SYAP1: variants seen among roughly 807,000 people sequenced by gnomAD.
SYAP1 encodes the protein synapse-associated protein 1.
SYAP1 carries 3 observed loss-of-function variants against 29.6 expected under a neutral mutation model. The ratio of observed to expected loss-of-function variants is 0.10; its 90% CI spans 0.05 to 0.26. The LOEUF is 0.26. SYAP1 is among the 10% of genes least tolerant of loss of function. The pLI is 1.00. For missense variants in SYAP1, 217 were observed against 264.1 expected (o/e 0.82, Z 1.24); for synonymous variants, 102 against 102.7 (o/e 0.99, Z 0.04).
chrX:16,733,683 T>A (rs1295240460), intron 1 of SYAP1, among the ~76,000 whole-genome samples: 2 of 109,254 alleles, frequency 1.8e-5, no homozygotes, highest in Admixed American at 9.8e-5. Flanking sequence ...TTTTTTTTTT[T>A]TAGACGGAGT....
At chrX:16,752,139 C>T (rs770354089) in intron 5 of SYAP1, among the ~76,000 whole-genome samples, 1 of 107,768 alleles carries the variant, frequency 9.3e-6, no homozygotes, top group African/African-American at 3.4e-5. Context: ...ACCACCACAT[C>T]GGCTAATTTT....
At chrX:16,748,310 C>G (rs986284336) in intron 5 of SYAP1, among the ~76,000 whole-genome samples, 51 of 111,645 alleles carry the variant, frequency 4.6e-4, no homozygotes, top group African/African-American at 1.6e-3. Flanking sequence ...TCTGTTTTGT[C>G]GAAAATTTCC....
intron 1 of SYAP1, 132 bp downstream of exon 1, chrX:16,720,031 G>T: frequency 1.6e-6 from 1 of 642,857 alleles, no homozygotes; most frequent in Non-Finnish European, 2.3e-6. Flanking sequence ...AGATGTGTCT[G>T]TCGGTCAGTC....
intron 5 of SYAP1, among the ~76,000 whole-genome samples, chrX:16,750,528 G>A (rs1004729081): frequency 3.6e-5 from 4 of 111,225 alleles, no homozygotes; most frequent in African/African-American, 6.6e-5. Context: ...TAATTCCACC[G>A]GTAAATGTTG....
chrX:16,730,800 A>G (rs1392172781), intron 1 of SYAP1, among the ~76,000 whole-genome samples: 1 of 112,306 alleles, frequency 8.9e-6, no homozygotes, highest in African/African-American at 3.2e-5. Flanking sequence ...TTGCCATACA[A>G]GGTCCTTTCT....
rs763119788 is a variant in SYAP1 at position 16,756,681 on chromosome X, C to T, written c.743C>T (p.Thr248Met). The T allele has an allele frequency of 1.5e-4, 177 of 1,209,598 alleles. No individual in the cohort carries two copies. The highest frequency in any genetic ancestry group is 1.9e-4 in the Non-Finnish European group (168 of 894,862). ...TTCTTAGAGGCAGTACGGCCCAAAA[C>T]GCCACCCGTTGTAATCAAATCTCAG... is the stretch of plus-strand genomic sequence containing the variant. ...LPLAEAVRPK[T>M]PPVVIKSQLK... The change falls in exon 7 of 9, where the codon ACG becomes ATG. Residue 248 changes from threonine to methionine, a missense_variant. Coordinates refer to ENST00000380155, the MANE Select transcript of SYAP1 (RefSeq NM_032796.4).
intron 4 of SYAP1, among the ~76,000 whole-genome samples, chrX:16,742,675 G>A (rs1315026979): frequency 8.9e-6 from 1 of 112,510 alleles, no homozygotes; most frequent in African/African-American, 3.2e-5. Flanking sequence ...AGAGTACAGT[G>A]GCATAATTAT....
intron 1 of SYAP1, among the ~76,000 whole-genome samples, chrX:16,723,310 G>C (rs766533752): frequency 1.8e-4 from 20 of 112,372 alleles, no homozygotes; most frequent in Admixed American, 4.8e-4. Flanking sequence ...ACAATGCACA[G>C]TCAATAGCTT....
rs1282595267 is a variant in SYAP1 at position 16,750,890 on chromosome X, C to T, written c.576-4055C>T. Among the ~76,000 whole-genome samples, 3 of 107,818 alleles carry T rather than the reference C, an allele frequency of 2.8e-5. No individual in the cohort carries two copies. In the Admixed American group the frequency reaches 3.0e-4, roughly 11 times the overall value. 93.6% of individuals were successfully genotyped at this position (107,818 alleles called of 115,157 possible). A position where few individuals can be genotyped will look rare whatever the true frequency, so the allele number is the denominator to read the frequency against. On this transcript the variant is annotated intron_variant, in intron 5 of 8. Coordinates refer to ENST00000380155, the MANE Select transcript of SYAP1 (RefSeq NM_032796.4). Reference sequence around the variant, plus strand: ...TCAAGCGATTCTCCTGCATTAGCCTCCCAGGTAGCTGCGATTACAGGTGTG... The same window carrying T: ...TCAAGCGATTCTCCTGCATTAGCCTTCCAGGTAGCTGCGATTACAGGTGTG...
Position 16,760,266 on chromosome X carries a change from G to A in SYAP1, c.966G>A (p.Gln322=). The change falls in exon 9 of 9, where the codon CAG becomes CAA. Residue 322 remains glutamine (Q), a synonymous_variant. Coordinates refer to ENST00000380155, the MANE Select transcript of SYAP1 (RefSeq NM_032796.4). ...DSADWEKELQ[Q]ELQEYEVVTE... ...CAGATTGGGAAAAAGAACTGCAGCAGGAACTTCAAGAATATGAAGTGGTGA... is the reference window on the plus strand; with the variant it reads ...CAGATTGGGAAAAAGAACTGCAGCAAGAACTTCAAGAATATGAAGTGGTGA... The A allele has an allele frequency of 8.4e-7, 1 of 1,196,768 alleles. No homozygotes were observed. The highest frequency in any genetic ancestry group is 1.1e-6 in the Non-Finnish European group (1 of 889,071).
intron 5 of SYAP1, among the ~76,000 whole-genome samples, chrX:16,753,827 G>A (rs192480583): frequency 1.2e-3 from 138 of 111,252 alleles, no homozygotes; most frequent in African/African-American, 4.4e-3. Flanking sequence ...TGAGAAACCT[G>A]GTTTCTACTA....
At chrX:16,750,863 G>T (rs5980331) in intron 5 of SYAP1, among the ~76,000 whole-genome samples, 34,036 of 104,355 alleles carry the variant, frequency 0.33, 4,441 homozygotes, top group East Asian at 0.54. Flanking sequence ...TGCCTCCCCA[G>T]TTCAAGCGAT....
chrX:16,723,791 T>C (rs1926020194), intron 1 of SYAP1, among the ~76,000 whole-genome samples: 2 of 111,913 alleles, frequency 1.8e-5, no homozygotes, highest in South Asian at 7.3e-4. Context: ...TTCTGACCTT[T>C]GAAGCTCTTC....
In SYAP1 at chrX:16,764,363, CTTTTTTTTTTTTTTT is replaced by C. The variant is rs2147443060; in HGVS notation, c.*4005_*4019del. 2 of 81,765 alleles carry C rather than the reference CTTTTTTTTTTTTTTT, an allele frequency of 2.4e-5. No homozygotes were observed. The highest frequency in any genetic ancestry group is 7.4e-4 in the East Asian group (2 of 2,689). 6.7% of individuals were successfully genotyped at this position (81,765 alleles called of 1,213,427 possible). ...TTAGTTTTTCAACTTTTTTTTTTTT[CTTTTTTTTTTTTTTT>C]GAGATGGAGGCTCACTCTGTTGCCC... On this transcript the variant is annotated 3_prime_UTR_variant, in exon 9 of 9. Coordinates refer to ENST00000380155, the MANE Select transcript of SYAP1 (RefSeq NM_032796.4).
At chrX:16,729,821 G>A (rs62585740) in intron 1 of SYAP1, among the ~76,000 whole-genome samples, 38,868 of 109,805 alleles carry the variant, frequency 0.35, 5,136 homozygotes, top group East Asian at 0.57. Context: ...CAGAAAAACT[G>A]GATGATACTC....
At chrX:16,748,706 A>G (rs1224222433) in intron 5 of SYAP1, among the ~76,000 whole-genome samples, 2 of 111,457 alleles carry the variant, frequency 1.8e-5, no homozygotes, top group Admixed American at 1.9e-4. Flanking sequence ...AGGAAAACAA[A>G]TAGATAAGTG....
chrX:16,732,186 A>G (rs1489924841), intron 1 of SYAP1, among the ~76,000 whole-genome samples: 1 of 112,492 alleles, frequency 8.9e-6, no homozygotes, highest in Non-Finnish European at 1.9e-5. Context: ...AAACTTGAAA[A>G]AGCATTTGAC....
chrX:16,728,233 T>C (rs748281652), intron 1 of SYAP1, among the ~76,000 whole-genome samples: 204 of 111,704 alleles, frequency 1.8e-3, no homozygotes, highest in Middle Eastern at 4.7e-3. Flanking sequence ...TCCTGCTTGA[T>C]ATTAATGAAC....
chrX:16,757,584 C>T (rs1261116655), intron 8 of SYAP1, among the ~76,000 whole-genome samples: 1 of 110,170 alleles, frequency 9.1e-6, no homozygotes, highest in Non-Finnish European at 1.9e-5. Context: ...TTAGCCGGGC[C>T]TGGTGGTGGG....
Sources: gnomAD v4.1 joint callset for allele counts (sites outside exome capture counted in the v4.1 genomes callset) on GRCh38, gnomAD v4.1.1 for gene constraint, MANE v1.5 for transcripts, NCBI Gene and HGNC (gene_info 2026-07-23, HGNC 2026-07-21) for gene names.